Variants in CALU observed in about 807,000 individuals in gnomAD.
CALU encodes the protein IEF SSP 9302.
A neutral mutation model predicts 37.5 loss-of-function variants in CALU; 13 were observed. That is an observed-to-expected ratio of 0.35 (90% confidence interval 0.23 to 0.55). The LOEUF (loss-of-function observed/expected upper bound fraction) is 0.55. Ranked by LOEUF, CALU falls within the 20% of genes least tolerant of loss-of-function variation. CALU has a pLI of 0.89. For synonymous variants in CALU, 114 were observed against 133.8 expected, an observed-to-expected ratio of 0.85 and a Z score of 1.02; for missense variants, 282 against 391.7, an observed-to-expected ratio of 0.72 and a Z score of 2.36.
In CALU at chr7:128,769,874, T is replaced by C. The variant is rs1270156112; in HGVS notation, c.*707T>C. 6.6e-6 allele frequency: 1 copy of C among 152,216 alleles called. No homozygotes were observed. Among genetic ancestry groups the C allele is most frequent in the Non-Finnish European group, 1.5e-5 (1 of 68,054 alleles). The allele number at this position is 152,216 out of a possible 1,614,324, so 9.4% of individuals were successfully genotyped here. A position where few individuals can be genotyped will look rare whatever the true frequency, so the allele number is the denominator to read the frequency against. On this transcript the variant is annotated 3_prime_UTR_variant, in exon 7 of 7. Transcript: ENST00000249364. The stretch of plus-strand genomic sequence containing the variant: ...GTGGTGGGAAGAGTTAGGGCCAGTG[T>C]CTTGAAAATCAATCAAGTAGTGAAT...
chr7:128,748,335 T>G, intron 1 of CALU: 2 of 1,479,108 alleles, frequency 1.4e-6, no homozygotes, highest in Non-Finnish European at 1.8e-6. Flanking sequence ...ACTATAAGTT[T>G]CTTATCAGCC....
intron 5 of CALU, among the ~76,000 whole-genome samples, chr7:128,763,373 A>G (rs1801197784): frequency 6.6e-6 from 1 of 152,054 alleles, no homozygotes; most frequent in Non-Finnish European, 1.5e-5. Flanking sequence ...TACTAAAAAT[A>G]TAAAAATTAG....
intron 5 of CALU, among the ~76,000 whole-genome samples, chr7:128,765,010 G>T (rs1312315088): frequency 1.3e-5 from 2 of 152,024 alleles, no homozygotes; most frequent in South Asian, 2.1e-4. Flanking sequence ...GATCTCCAAG[G>T]TGGGGAGATC....
At chr7:128,743,323 CTT>C (rs1800310381) in intron 1 of CALU, among the ~76,000 whole-genome samples, 1 of 152,046 alleles carries the variant, frequency 6.6e-6, no homozygotes, top group South Asian at 2.1e-4. Flanking sequence ...ACAGCTAAGT[CTT>C]TTGTTTATGT....
Position 128,758,960 on chromosome 7 carries a change from C to G in CALU, c.505C>G (p.Leu169Val), listed in dbSNP as rs764257400. 3 of 1,613,352 alleles carry G rather than the reference C, an allele frequency of 1.9e-6. No homozygotes were observed. The highest frequency in any genetic ancestry group is 2.5e-6 in the Non-Finnish European group (3 of 1,179,512). Residue 169 changes from leucine (L) to valine (V), a missense_variant, in exon 4 of 7, where the codon CTC becomes GTC. Physicochemically the swap from Leu to Val is conservative, Grantham distance 32. Transcript: ENST00000249364. ...TAAAATGGCAGACAAGGATGGAGACCTCATTGCCACCAAGGAGGAGTTCAC... is the reference window on the plus strand; with the variant it reads ...TAAAATGGCAGACAAGGATGGAGACGTCATTGCCACCAAGGAGGAGTTCAC... ...RFKMADKDGD[L>V]IATKEEFTAF...
At chr7:128,752,477 T>C (rs1266269479) in intron 2 of CALU, among the ~76,000 whole-genome samples, 3 of 152,294 alleles carry the variant, frequency 2.0e-5, no homozygotes, top group African/African-American at 7.2e-5. Context: ...GTTGCCCTTT[T>C]TCCTTGCCCT....
At chr7:128,750,803 A>G (rs1255862094) in intron 2 of CALU, among the ~76,000 whole-genome samples, 1 of 152,216 alleles carries the variant, frequency 6.6e-6, no homozygotes, top group Non-Finnish European at 1.5e-5. Flanking sequence ...GTCATTGTTC[A>G]TGCCTTTAGT....
chr7:128,755,309 CAAAAAAAAAAAA>C (rs59208090), intron 3 of CALU, among the ~76,000 whole-genome samples: 3 of 51,526 alleles, frequency 5.8e-5, no homozygotes, highest in Non-Finnish European at 1.1e-4. Flanking sequence ...GAGCTCTGTC[CAAAAAAAAAAAA>C]AAAAAAAAAA....
chr7:128,760,644 C>G (rs1239575597), intron 5 of CALU, among the ~76,000 whole-genome samples: 2 of 152,084 alleles, frequency 1.3e-5, no homozygotes, highest in Non-Finnish European at 1.5e-5. Context: ...CACGGTGGCT[C>G]ACGCCTGTAA....
rs1801618403 is a variant in CALU, at chr7:128,772,394, A to G, written c.*3227A>G. 1.0e-6 allele frequency: 1 copy of G among 957,352 alleles called. No homozygotes were observed. Among genetic ancestry groups the G allele is most frequent in the African/African-American group, 1.6e-5 (1 of 60,796 alleles). The allele number at this position is 957,352 out of a possible 1,614,324, so 59.3% of individuals were successfully genotyped here. On this transcript the variant is annotated 3_prime_UTR_variant, in exon 7 of 7. Coordinates refer to ENST00000249364, the MANE Select transcript of CALU (RefSeq NM_001219.5). ...TAGGCAAGAAGGCAATAGTAAGAAA[A>G]TGAAAAATTGACTCCCCAAACTGCC...
chr7:128,759,149 GCATATCACTGT>G, intron 4 of CALU, 112 bp downstream of exon 4: 1 of 735,880 alleles, frequency 1.4e-6, no homozygotes, highest in Non-Finnish European at 2.2e-6. Context: ...ATGCTATATA[GCATATCACTGT>G]ATATGCTATA....
Position 128,772,446 on chromosome 7 carries a change from G to T in CALU, c.*3279G>T. 2 of 1,482,768 alleles carry T rather than the reference G, an allele frequency of 1.3e-6. No homozygotes were observed. Among genetic ancestry groups the T allele is most frequent in the South Asian group, 1.2e-5 (1 of 85,668 alleles). The allele number at this position is 1,482,768 out of a possible 1,614,324, so 91.9% of individuals were successfully genotyped here. A position where few individuals can be genotyped will look rare whatever the true frequency, so the allele number is the denominator to read the frequency against. On this transcript the variant is annotated 3_prime_UTR_variant, in exon 7 of 7. Coordinates refer to ENST00000249364, the MANE Select transcript of CALU (RefSeq NM_001219.5). ...TCACTCCTTTTACCATCTTTTTTGT[G>T]TTTTTAGTAGTTTGGTTTCTGACGG...
chr7:128,772,518 C>T lies in CALU; in HGVS notation c.*3351C>T. ...AAGTAAAATTTAATTCTAGCTGTTG[C>T]AAACAGGCCAATATTGGGTCCTCAG... is the stretch of plus-strand genomic sequence containing the variant. On this transcript the variant is annotated 3_prime_UTR_variant, in exon 7 of 7. Coordinates refer to ENST00000249364, the MANE Select transcript of CALU (RefSeq NM_001219.5). The T allele has an allele frequency of 6.2e-7, 1 of 1,614,048 alleles. No homozygotes were observed. Among genetic ancestry groups the T allele is most frequent in the Non-Finnish European group, 8.5e-7 (1 of 1,179,960 alleles).
chr7:128,752,689 C>A (rs11760505), intron 2 of CALU, among the ~76,000 whole-genome samples: 42,036 of 152,068 alleles, frequency 0.28, 6,851 homozygotes, highest in Non-Finnish European at 0.38. Context: ...TAAGAGATAA[C>A]TACTTTTTTT....
chr7:128,757,414 T>C (rs1256032458), intron 3 of CALU, among the ~76,000 whole-genome samples: 1 of 151,364 alleles, frequency 6.6e-6, no homozygotes, highest in Non-Finnish European at 1.5e-5. Context: ...CAAAGCCTTA[T>C]GACTCGTTAA....
At chr7:128,744,196 A>T (rs1354971460) in intron 1 of CALU, among the ~76,000 whole-genome samples, 1 of 152,164 alleles carries the variant, frequency 6.6e-6, no homozygotes, top group Non-Finnish European at 1.5e-5. Context: ...ACAGAGACAG[A>T]CTCAGTCTCA....
intron 2 of CALU, among the ~76,000 whole-genome samples, chr7:128,753,761 C>T (rs574549327): frequency 1.0e-3 from 155 of 152,274 alleles, no homozygotes; most frequent in African/African-American, 3.0e-3. Context: ...AAAAGTGTTA[C>T]TTTTTCTAAA....
At position 128,772,420 on chromosome 7, in the gene CALU, A is replaced by C; in HGVS notation, c.*3253A>C. ...TGAAAAATTGACTCCCCAAACTGCCATCACTCCTTTTACCATCTTTTTTGT... is the reference window on the plus strand; with the variant it reads ...TGAAAAATTGACTCCCCAAACTGCCCTCACTCCTTTTACCATCTTTTTTGT... On this transcript the variant is annotated 3_prime_UTR_variant, in exon 7 of 7. Transcript: ENST00000249364. The C allele has an allele frequency of 1.6e-6, 2 of 1,255,010 alleles. No homozygotes were observed. The highest frequency in any genetic ancestry group is 2.3e-6 in the Non-Finnish European group (2 of 877,434). 77.7% of individuals were successfully genotyped at this position (1,255,010 alleles called of 1,614,324 possible). A position where few individuals can be genotyped will look rare whatever the true frequency, so the allele number is the denominator to read the frequency against.
At chr7:128,739,744 C>T (rs896292993) in intron 1 of CALU, among the ~76,000 whole-genome samples, 16 of 152,260 alleles carry the variant, frequency 1.1e-4, no homozygotes, top group Middle Eastern at 6.8e-3. Context: ...TCACGCCACT[C>T]ACCGAGTCTC....
Sources: gnomAD v4.1 joint callset for allele counts (sites outside exome capture counted in the v4.1 genomes callset) on GRCh38, gnomAD v4.1.1 for gene constraint, MANE v1.5 for transcripts, NCBI Gene and HGNC (gene_info 2026-07-23, HGNC 2026-07-21) for gene names.